The following STRN variants were observed in gnomAD, a reference collection of about 807,000 sequenced individuals.
The protein encoded by STRN is striatin.
In STRN, 53 loss-of-function variants were observed where a neutral mutation model predicts 96.3. The observed-to-expected ratio is 0.55, with a 90% CI of 0.44 to 0.69. The LOEUF (loss-of-function observed/expected upper bound fraction) is 0.69, where lower values mean the gene tolerates loss of function less well. Ranked by LOEUF, STRN falls within the 30% of genes least tolerant of loss-of-function variation. The probability of loss-of-function intolerance (pLI) is 0.00; values close to 1 mark genes in which losing one functional copy is unlikely to be tolerated. For missense variants in STRN, 987 were observed against 963.9 expected, an observed-to-expected ratio of 1.02 and a Z score of -0.32; for synonymous variants, 428 against 355.9, an observed-to-expected ratio of 1.20 and a Z score of -2.28.
intron 1 of STRN, among the ~76,000 whole-genome samples, chr2:36,938,278 T>C (rs934005781): frequency 6.6e-6 from 1 of 152,000 alleles, no homozygotes; most frequent in Non-Finnish European, 1.5e-5. Context: ...GCACAAAAAT[T>C]AGCCAGGTGT....
intron 2 of STRN, among the ~76,000 whole-genome samples, chr2:36,920,767 C>T (rs1348961070): frequency 2.0e-5 from 3 of 149,360 alleles, no homozygotes; most frequent in Non-Finnish European, 4.4e-5. Context: ...CCTTCAGAGT[C>T]AAATTTCCTA....
intron 3 of STRN, among the ~76,000 whole-genome samples, chr2:36,908,589 A>G (rs1159025170): frequency 6.6e-6 from 1 of 152,160 alleles, no homozygotes; most frequent in East Asian, 1.9e-4. Flanking sequence ...TGTAAATTAT[A>G]TCTTAATAAG....
chr2:36,857,608 C>T lies in STRN; in HGVS notation c.1837+248G>A, dbSNP rs186829463. 2.4e-3 allele frequency among the ~76,000 whole-genome samples: 362 copies of T among 151,844 alleles called. 3 individuals are homozygous for T. The highest frequency in any genetic ancestry group is 8.5e-3 in the African/African-American group (350 of 41,402). Reference sequence around the variant, plus strand: ...CTGGGAGATGGAGGTTGCAGTGAGCCGAGATTGCGCCACTGCACTCCAGCC... The same window carrying T: ...CTGGGAGATGGAGGTTGCAGTGAGCTGAGATTGCGCCACTGCACTCCAGCC... On this transcript the variant is annotated intron_variant, in intron 14 of 17. Coordinates refer to ENST00000263918, the MANE Select transcript of STRN (RefSeq NM_003162.4).
At chr2:36,919,545 G>A (rs933939814) in intron 2 of STRN, among the ~76,000 whole-genome samples, 1 of 152,134 alleles carries the variant, frequency 6.6e-6, no homozygotes, top group African/African-American at 2.4e-5. Flanking sequence ...CAAAAGGTAT[G>A]GAAGGAATGG....
At chr2:36,878,193 T>C (rs774375645) in intron 9 of STRN, among the ~76,000 whole-genome samples, 166 bp from the exon 10 acceptor site, 23 of 152,242 alleles carry the variant, frequency 1.5e-4, no homozygotes, top group Non-Finnish European at 1.3e-4. Flanking sequence ...AATAATTTAT[T>C]GCTTTTTCCA....
At chr2:36,936,566 C>G (rs1251810233) in intron 1 of STRN, among the ~76,000 whole-genome samples, 6 of 152,068 alleles carry the variant, frequency 3.9e-5, no homozygotes, top group Non-Finnish European at 7.4e-5. Context: ...ATATATTGAA[C>G]AGGACTTAAC....
intron 3 of STRN, among the ~76,000 whole-genome samples, chr2:36,912,206 T>C (rs1030852240): frequency 6.6e-6 from 1 of 152,216 alleles, no homozygotes; most frequent in Admixed American, 6.5e-5. Context: ...TTCCCTTTTA[T>C]TGGTTACTCC....
At chr2:36,877,808 T>A (rs1253097274) in intron 10 of STRN, 83 bp downstream of exon 10, 4 of 1,518,548 alleles carry the variant, frequency 2.6e-6, no homozygotes, top group Middle Eastern at 1.8e-4. Flanking sequence ...AGTGCTGGAT[T>A]ACAGGCGTGA....
At chr2:36,937,917 A>G (rs1477090190) in intron 1 of STRN, among the ~76,000 whole-genome samples, 4 of 152,182 alleles carry the variant, frequency 2.6e-5, no homozygotes, top group Non-Finnish European at 5.9e-5. Context: ...ATAGTTCTAT[A>G]AAGAAAAGTA....
At chr2:36,962,992 T>C (rs1665066081) in intron 1 of STRN, among the ~76,000 whole-genome samples, 2 of 152,224 alleles carry the variant, frequency 1.3e-5, no homozygotes, top group Non-Finnish European at 2.9e-5. Flanking sequence ...CTTTCACAAA[T>C]GTAAAGCTCA....
intron 13 of STRN, among the ~76,000 whole-genome samples, chr2:36,858,871 A>G (rs979333181): frequency 3.3e-5 from 5 of 152,362 alleles, no homozygotes; most frequent in South Asian, 4.1e-4. Flanking sequence ...TGAAAGTACA[A>G]TAATTGTGAC....
intron 13 of STRN, among the ~76,000 whole-genome samples, chr2:36,859,933 GCA>G (rs1198114707): frequency 3.3e-5 from 5 of 152,116 alleles, no homozygotes; most frequent in African/African-American, 9.7e-5. Flanking sequence ...GACAGATGAA[GCA>G]CAGAGAAAAA....
Position 36,954,605 on chromosome 2 carries a change from AT to A in STRN, c.234+11624del, listed in dbSNP as rs1287922029. On this transcript the variant is annotated intron_variant, in intron 1 of 17. Transcript: ENST00000263918. ...TTATTTCAGTATTCCCCACAAAAAA[AT>A]AAAAGTATTTAAGGAAATGAGAGAA... Among the ~76,000 whole-genome samples, 5 of 152,066 alleles carry A rather than the reference AT, an allele frequency of 3.3e-5. No homozygotes were observed. In the East Asian group the frequency reaches 5.8e-4, roughly 18 times the overall value.
Position 36,942,635 on chromosome 2 carries a change from G to A in STRN, c.235-17427C>T, listed in dbSNP as rs527473654. The stretch of plus-strand genomic sequence containing the variant: ...GATACTGACCAATTGACAATACCAC[G>A]AACAAGGTATGAGGGTAAAGTTCTA... On this transcript the variant is annotated intron_variant, in intron 1 of 17. Transcript: ENST00000263918. Among the ~76,000 whole-genome samples, 15 of 152,210 alleles carry A rather than the reference G, an allele frequency of 9.9e-5. No individual in the cohort carries two copies. The East Asian group carries it at 1.7e-3, about 18-fold the overall frequency.
chr2:36,919,767 G>A (rs937617633), intron 2 of STRN, among the ~76,000 whole-genome samples: 3 of 152,180 alleles, frequency 2.0e-5, no homozygotes, highest in African/African-American at 4.8e-5. Context: ...AAAAGTAGCA[G>A]TGAATAGAGA....
rs1667953570 is a variant in STRN at position 36,841,597 on chromosome 2, T to TA, written c.*7858dup. 6.6e-6 allele frequency: 1 copy of TA among 152,234 alleles called. No individual in the cohort carries two copies. The highest frequency in any genetic ancestry group is 2.1e-4 in the South Asian group (1 of 4,836). 9.4% of individuals were successfully genotyped at this position (152,234 alleles called of 1,614,324 possible). Reference sequence around the variant, plus strand: ...ACCATTCAAAAGAGAACTCACTCTGTAAAAACGATTCTCATATTTTTTCAT... The same window carrying TA: ...ACCATTCAAAAGAGAACTCACTCTGTAAAAAACGATTCTCATATTTTTTCAT... On this transcript the variant is annotated 3_prime_UTR_variant, in exon 18 of 18. Coordinates refer to ENST00000263918, the MANE Select transcript of STRN (RefSeq NM_003162.4).
intron 2 of STRN, among the ~76,000 whole-genome samples, chr2:36,919,643 C>A (rs535288882): frequency 2.2e-4 from 33 of 152,160 alleles, no homozygotes; most frequent in Admixed American, 6.5e-4. Context: ...ACGGATATAA[C>A]AGAATTATCA....
chr2:36,859,333 AG>A (rs1027086404), intron 13 of STRN, among the ~76,000 whole-genome samples: 9 of 152,184 alleles, frequency 5.9e-5, no homozygotes, highest in African/African-American at 2.2e-4. Flanking sequence ...GGAAGCAGTG[AG>A]ACAGCCAGAG....
At chr2:36,924,873 A>G (rs1670368275) in intron 2 of STRN, among the ~76,000 whole-genome samples, 1 of 152,202 alleles carries the variant, frequency 6.6e-6, no homozygotes, top group Non-Finnish European at 1.5e-5. Context: ...CCTGACCAAC[A>G]TGGGGAAACC....
Sources: allele counts gnomAD v4.1 joint callset (sites outside exome capture counted in the v4.1 genomes callset), GRCh38; gene constraint gnomAD v4.1.1; transcripts MANE v1.5; gene names NCBI Gene and HGNC (gene_info 2026-07-23, HGNC 2026-07-21).